RIC1: variants seen among roughly 807,000 people sequenced by gnomAD.
RIC1 encodes guanine nucleotide exchange factor subunit RIC1.
A neutral mutation model predicts 169.0 loss-of-function variants in RIC1; 88 were observed. The ratio of observed to expected loss-of-function variants is 0.52; its 90% CI spans 0.44 to 0.62. The LOEUF (loss-of-function observed/expected upper bound fraction) is 0.62, where lower values mean the gene tolerates loss of function less well. RIC1 is among the 20% of genes least tolerant of loss of function. The pLI is 0.00. For synonymous variants in RIC1, 790 were observed against 601.5 expected (o/e 1.31, Z -4.59); for missense variants, 1,877 against 1,725.5 (o/e 1.09, Z -1.56).
chr9:5,729,885 A>C lies in RIC1; in HGVS notation c.721-2503A>C, dbSNP rs200728740. The stretch of plus-strand genomic sequence containing the variant: ...CCTATAAGGTGCATATATATTTGTA[A>C]TTATCTTTGGGACTTAAATGTTTAG... On this transcript the variant is annotated intron_variant, in intron 6 of 25. Transcript: ENST00000414202. Among the ~76,000 whole-genome samples the C allele has an allele frequency of 1.6e-4, 24 of 152,154 alleles. No homozygotes were observed. In the East Asian group the frequency reaches 4.4e-3, roughly 28 times the overall value.
At position 5,763,355 on chromosome 9, in the gene RIC1, T is replaced by C. The variant is rs1321300726; in HGVS notation, c.2328T>C (p.Ile776=). 1 of 1,614,054 alleles carries C rather than the reference T, an allele frequency of 6.2e-7. No individual in the cohort carries two copies. Among genetic ancestry groups the C allele is most frequent in the African/African-American group, 1.3e-5 (1 of 74,918 alleles). The change falls in exon 19 of 26, where the codon ATT becomes ATC. Residue 776 remains isoleucine, a synonymous_variant. Transcript: ENST00000414202. The surrounding 1 kb of genome is among the most constrained non-coding windows in gnomAD (Gnocchi z 5.2). The part of the protein sequence containing the change: ...QRIMLPFHIN[I]YPLAVLFEDA... Reference sequence around the variant, plus strand: ...TCATGCTGCCTTTCCACATCAACATTTACCCGCTAGCTGTTCTGTTTGAAG... The same window carrying C: ...TCATGCTGCCTTTCCACATCAACATCTACCCGCTAGCTGTTCTGTTTGAAG...
intron 1 of RIC1, among the ~76,000 whole-genome samples, chr9:5,655,088 T>C (rs1819009238): frequency 6.6e-6 from 1 of 152,156 alleles, no homozygotes; most frequent in South Asian, 2.1e-4. Flanking sequence ...TTTGTGGTCT[T>C]ATTGAATTAG....
chr9:5,713,987 C>G lies in RIC1; in HGVS notation c.424C>G (p.Gln142Glu). Residue 142 changes from glutamine (Q) to glutamate (E), a missense_variant, in exon 4 of 26, where the codon CAA (glutamine) becomes GAA (glutamate). By Grantham distance (29) the Gln-to-Glu change is conservative. This residue lies in a region of RIC1 where 1,104 missense variants were observed against 992.0 expected (regional missense o/e 1.11). Coordinates refer to ENST00000414202, the MANE Select transcript of RIC1 (RefSeq NM_020829.4). ...NLEMRKILDLQAPIMSLQSVL... is the reference protein window; with the variant it reads ...NLEMRKILDLEAPIMSLQSVL... The stretch of plus-strand genomic sequence containing the variant: ...GGAGATGAGGAAAATACTGGATTTA[C>G]AAGCACCCATCATGAGGTACAGTAC... 1 of 1,610,418 alleles carries G rather than the reference C, an allele frequency of 6.2e-7. No individual in the cohort carries two copies. The highest frequency in any genetic ancestry group is 1.7e-5 in the Admixed American group (1 of 59,988).
intron 18 of RIC1, 94 bp downstream of exon 18, chr9:5,762,754 A>G (rs2131094470): frequency 1.4e-6 from 2 of 1,435,370 alleles, no homozygotes; most frequent in South Asian, 2.8e-5. Context: ...GTATTTTATG[A>G]TTTGGAAAGG....
Position 5,765,586 on chromosome 9 carries a change from G to C in RIC1, c.3000+14G>C, listed in dbSNP as rs1431572942. 6 of 1,613,880 alleles carry C rather than the reference G, an allele frequency of 3.7e-6. No homozygotes were observed. The highest frequency in any genetic ancestry group is 5.1e-6 in the Non-Finnish European group (6 of 1,179,918). On this transcript the variant is annotated intron_variant, in intron 20 of 25. Coordinates refer to ENST00000414202, the MANE Select transcript of RIC1 (RefSeq NM_020829.4). ...CCCACAGCTCAGGTTAGTTGCAAAA[G>C]TTACACATCTTCTCTAGGCCATACA...
At position 5,735,568 on chromosome 9, in the gene RIC1, G is replaced by C. The variant is rs566839061; in HGVS notation, c.813-2882G>C. On this transcript the variant is annotated intron_variant, in intron 7 of 25. Transcript: ENST00000414202. ...GAGACTACAAGTTCTCTTCTAGCAT[G>C]CCCATGGGTTAGGGTTAAAGTTTTG... Among the ~76,000 whole-genome samples, 32 of 152,326 alleles carry C rather than the reference G, an allele frequency of 2.1e-4. No individual in the cohort carries two copies. The South Asian group carries it at 6.6e-3, about 32-fold the overall frequency.
Position 5,673,094 on chromosome 9 carries a change from A to C in RIC1, c.252+16404A>C, listed in dbSNP as rs563439690. Among the ~76,000 whole-genome samples the C allele has an allele frequency of 4.3e-4, 65 of 152,314 alleles. 1 individual carries two copies. Among genetic ancestry groups the C allele is most frequent in the African/African-American group, 1.4e-3 (60 of 41,570 alleles). ...ACTAATTCCTAGGTTAGTGAGAGATAGGTGATAAACAAGTTTAGACAAGAA... is the reference window on the plus strand; with the variant it reads ...ACTAATTCCTAGGTTAGTGAGAGATCGGTGATAAACAAGTTTAGACAAGAA... On this transcript the variant is annotated intron_variant, in intron 2 of 25. Coordinates refer to ENST00000414202, the MANE Select transcript of RIC1 (RefSeq NM_020829.4).
At chr9:5,744,446 T>C (rs1306169977) in intron 10 of RIC1, among the ~76,000 whole-genome samples, 2 of 152,198 alleles carry the variant, frequency 1.3e-5, no homozygotes, top group Non-Finnish European at 2.9e-5. Flanking sequence ...ACAGGTTGAG[T>C]ACCCCTTAAC....
At position 5,645,418 on chromosome 9, in the gene RIC1, A is replaced by G. The variant is rs556817125; in HGVS notation, c.145-11165A>G. On this transcript the variant is annotated intron_variant, in intron 1 of 25. Coordinates refer to ENST00000414202, the MANE Select transcript of RIC1 (RefSeq NM_020829.4). ...TATGTCTTGATACAAATTATTTAGC[A>G]GATATATACTTCGCAAAGTTCTGCA... Among the ~76,000 whole-genome samples the G allele has an allele frequency of 3.0e-4, 46 of 152,334 alleles. 1 individual carries two copies. Among genetic ancestry groups the G allele is most frequent in the Admixed American group, 7.8e-4 (12 of 15,302 alleles).
At chr9:5,737,446 TC>T in intron 7 of RIC1, among the ~76,000 whole-genome samples, 1 of 152,298 alleles carries the variant, frequency 6.6e-6, no homozygotes, top group East Asian at 1.9e-4. Flanking sequence ...TCTTTGATAC[TC>T]CCTTCTCCAC....
At position 5,774,059 on chromosome 9, in the gene RIC1, C is replaced by G; in HGVS notation, c.4085C>G (p.Thr1362Ser). The G allele has an allele frequency of 6.2e-7, 1 of 1,614,056 alleles. No individual in the cohort carries two copies. Among genetic ancestry groups the G allele is most frequent in the Middle Eastern group, 1.7e-4 (1 of 6,060 alleles). Residue 1362 changes from threonine (T) to serine (S), a missense_variant, in exon 26 of 26, where the codon ACT becomes AGT. Physicochemically the swap from Thr to Ser is moderately conservative, Grantham distance 58. Around this residue, in one of 3 missense-constraint regions of RIC1, gnomAD observed 681 missense variants for 582.0 expected, o/e 1.17. Transcript: ENST00000414202. Reference sequence around the variant, plus strand: ...CAGCCAGATGCCTTCCAACCAATAACTATGGGTAAGACTCCAGAACAGACT... The same window carrying G: ...CAGCCAGATGCCTTCCAACCAATAAGTATGGGTAAGACTCCAGAACAGACT... ...QVQPDAFQPI[T>S]MGKTPEQTSP...
chr9:5,765,786 C>G lies in RIC1; in HGVS notation c.3125C>G (p.Pro1042Arg). ...LQKTLSMPSG[P>R]SGKRWSKDSD... ...AAAACACTAAGTATGCCATCTGGTC[C>G]CTCTGGAAAAAGGTAAAATAATAAA... Residue 1042 changes from proline (P) to arginine (R), a missense_variant, in exon 21 of 26, where the codon CCC becomes CGC. Physicochemically the swap from Pro to Arg is moderately radical, Grantham distance 103 (BLOSUM62 -2). Transcript: ENST00000414202. 1.2e-6 allele frequency: 2 copies of G among 1,614,000 alleles called. No individual in the cohort carries two copies. The highest frequency in any genetic ancestry group is 8.5e-7 in the Non-Finnish European group (1 of 1,179,978).
intron 6 of RIC1, among the ~76,000 whole-genome samples, chr9:5,731,636 A>T (rs1824374887): frequency 6.6e-6 from 1 of 152,176 alleles, no homozygotes; most frequent in African/African-American, 2.4e-5. Context: ...CAAACAACTG[A>T]GCTGAATCTA....
intron 2 of RIC1, among the ~76,000 whole-genome samples, chr9:5,658,791 G>C (rs199721491): frequency 6.6e-6 from 1 of 151,348 alleles, no homozygotes; most frequent in African/African-American, 2.4e-5. Context: ...GTTATGGCTT[G>C]GGTAGTGATA....
intron 3 of RIC1, 109 bp downstream of exon 3, chr9:5,690,147 C>A: frequency 1.6e-6 from 1 of 611,208 alleles, no homozygotes; most frequent in Non-Finnish European, 2.7e-6. Flanking sequence ...ACTAAACCAG[C>A]ATTTCCCAAA....
Position 5,762,636 on chromosome 9 carries a change from T to C in RIC1, c.2088T>C (p.Ser696=). 1 of 1,613,906 alleles carries C rather than the reference T, an allele frequency of 6.2e-7. No homozygotes were observed. The highest frequency in any genetic ancestry group is 1.1e-5 in the South Asian group (1 of 91,054). The change falls in exon 18 of 26, where the codon AGT becomes AGC. Residue 696 remains serine (S), a synonymous_variant. Coordinates refer to ENST00000414202, the MANE Select transcript of RIC1 (RefSeq NM_020829.4). ...RSGPQIREKD[S]NPNNQRKLLP... The stretch of plus-strand genomic sequence containing the variant: ...GCCCACAGATCCGGGAGAAGGACAG[T>C]AACCCTAATAACCAAAGGAAACTTG...
At chr9:5,765,955 CT>C (rs1826707634) in intron 21 of RIC1, among the ~76,000 whole-genome samples, 157 bp downstream of exon 21, 1 of 152,186 alleles carries the variant, frequency 6.6e-6, no homozygotes, top group Admixed American at 6.6e-5. Flanking sequence ...GAAGGCTTCC[CT>C]TTTTCCTTCC....
At chr9:5,720,805 T>C in intron 6 of RIC1, 55 bp downstream of exon 6, 1 of 1,395,234 alleles carries the variant, frequency 7.2e-7, no homozygotes, top group Non-Finnish European at 9.6e-7. Flanking sequence ...ATTTTATTCT[T>C]TGTTATCAAA....
At position 5,738,452 on chromosome 9, in the gene RIC1, G is replaced by A; in HGVS notation, c.815G>A (p.Gly272Asp). The change falls in exon 8 of 26, where the codon GGT (glycine) becomes GAT (aspartate). Residue 272 changes from glycine (G) to aspartate (D), a missense_variant and splice_region_variant. Transcript: ENST00000414202. ...YRLMAFGCVS[G>D]SVQVYTIDNS... is the part of the protein sequence containing the mutation. ...GTTTTTCGTTGTTGTTTTCACAGTG[G>A]TTCTGTGCAGGTCTATACAATAGAT... 6.3e-7 allele frequency: 1 copy of A among 1,588,196 alleles called. No homozygotes were observed. Among genetic ancestry groups the A allele is most frequent in the Non-Finnish European group, 8.5e-7 (1 of 1,169,896 alleles).
Sources: allele counts gnomAD v4.1 joint callset (sites outside exome capture counted in the v4.1 genomes callset), GRCh38; gene constraint gnomAD v4.1.1; regional missense constraint gnomAD v4.1.1; non-coding constraint Gnocchi (gnomAD v3.1); transcripts MANE v1.5; gene names NCBI Gene and HGNC (gene_info 2026-07-23, HGNC 2026-07-21).